PLB1: variants seen among roughly 807,000 people sequenced by gnomAD.
PLB1 encodes the protein phospholipase B1, also known as phospholipase B1, membrane-associated.
A neutral mutation model predicts 227.4 loss-of-function variants in PLB1; 242 were observed. That is an observed-to-expected ratio of 1.06 (90% CI 0.96 to 1.18). The LOEUF (loss-of-function observed/expected upper bound fraction) is 1.18. Ranked by LOEUF, PLB1 falls within the 50% of genes most tolerant of loss-of-function variation. The pLI, the probability that PLB1 is intolerant of heterozygous loss-of-function variation, is 0.00. For synonymous variants in PLB1, 757 were observed against 682.2 expected, an observed-to-expected ratio of 1.11 and a Z score of -1.71; for missense variants, 1,858 against 1,816.3, an observed-to-expected ratio of 1.02 and a Z score of -0.42.
intron 1 of PLB1, among the ~76,000 whole-genome samples, chr2:28,505,310 T>C (rs1667528999): frequency 6.6e-6 from 1 of 152,236 alleles, no homozygotes. Flanking sequence ...ATTAGACTTT[T>C]ATTTAAACTT....
intron 20 of PLB1, among the ~76,000 whole-genome samples, chr2:28,569,776 C>T (rs1677684093): frequency 6.6e-6 from 1 of 151,808 alleles, no homozygotes; most frequent in African/African-American, 2.4e-5. Context: ...ACCATCCTAG[C>T]TAACACGGTG....
rs139288359 is a variant in PLB1, at chr2:28,625,092, G to T, written c.3563G>T (p.Arg1188Leu). The T allele has an allele frequency of 3.1e-6, 5 of 1,613,376 alleles. No homozygotes were observed. Among genetic ancestry groups the T allele is most frequent in the Non-Finnish European group, 4.2e-6 (5 of 1,179,592 alleles). ...GCCCAGGCCTGGGACCTGGTAGAGC[G>T]AATGAAAAACAGCCCCGTGAGTACA... ...MPAQAWDLVE[R>L]MKNSPDINLE... is the part of the protein sequence containing the mutation. The change falls in exon 50 of 58, where the codon CGA (arginine) becomes CTA (leucine). Residue 1188 changes from arginine (R) to leucine (L), a missense_variant. Physicochemically the swap from Arg to Leu is moderately radical, Grantham distance 102. Transcript: ENST00000327757.
chr2:28,532,460 A>G (rs947014267), intron 9 of PLB1, among the ~76,000 whole-genome samples: 3 of 152,232 alleles, frequency 2.0e-5, no homozygotes, highest in African/African-American at 7.2e-5. Context: ...TAAAATACAC[A>G]TAAAGTTGAC....
intron 10 of PLB1, 147 bp from the exon 11 acceptor site, chr2:28,538,952 A>G (rs1208746557): frequency 1.5e-5 from 10 of 669,024 alleles, no homozygotes; most frequent in Non-Finnish European, 2.7e-5. Flanking sequence ...CTGACCAAAC[A>G]TCTCCCAAAG....
chr2:28,582,265 A>G, intron 24 of PLB1, 132 bp downstream of exon 24: 2 of 1,219,562 alleles, frequency 1.6e-6, no homozygotes, highest in South Asian at 1.3e-5. Flanking sequence ...ATAGAGGGGG[A>G]GCAGGGACGG....
chr2:28,619,452 G>A (rs921433560), intron 46 of PLB1, among the ~76,000 whole-genome samples: 2 of 152,070 alleles, frequency 1.3e-5, no homozygotes, highest in South Asian at 2.1e-4. Context: ...TCTTAAGGTA[G>A]GGGTAGATTA....
intron 1 of PLB1, among the ~76,000 whole-genome samples, chr2:28,504,729 G>A (rs1284102152): frequency 2.6e-5 from 4 of 152,048 alleles, no homozygotes; most frequent in Non-Finnish European, 4.4e-5. Context: ...GCAACAGAGC[G>A]AGACTCAGTC....
At chr2:28,528,476 C>T (rs2148190412) in intron 6 of PLB1, among the ~76,000 whole-genome samples, 1 of 152,304 alleles carries the variant, frequency 6.6e-6, no homozygotes, top group South Asian at 2.1e-4. Context: ...ACCCTGCTGT[C>T]ACTCTCAGGA....
intron 44 of PLB1, among the ~76,000 whole-genome samples, chr2:28,615,621 C>T (rs930789185): frequency 4.6e-5 from 7 of 152,232 alleles, no homozygotes; most frequent in Admixed American, 2.0e-4. Flanking sequence ...GGAGGCTTGT[C>T]CTCATTGAAC....
chr2:28,610,737 A>G (rs1158647244), intron 43 of PLB1, among the ~76,000 whole-genome samples: 2 of 152,210 alleles, frequency 1.3e-5, no homozygotes, highest in Non-Finnish European at 2.9e-5. Flanking sequence ...TAAAGCAGCC[A>G]GGATGTTGAT....
intron 1 of PLB1, among the ~76,000 whole-genome samples, chr2:28,500,771 G>GAAAAT (rs1172068297): frequency 6.6e-6 from 1 of 151,856 alleles, no homozygotes; most frequent in Admixed American, 6.6e-5. Flanking sequence ...GAAAAGAAAA[G>GAAAAT]AAATTCACTT....
At chr2:28,572,342 C>A (rs1405315286) in intron 20 of PLB1, among the ~76,000 whole-genome samples, 2 of 152,204 alleles carry the variant, frequency 1.3e-5, no homozygotes, top group African/African-American at 4.8e-5. Context: ...AAAGTCCTGG[C>A]AGTTCCTCAA....
At chr2:28,567,554 A>G (rs1313657247) in intron 20 of PLB1, among the ~76,000 whole-genome samples, 5 of 134,694 alleles carry the variant, frequency 3.7e-5, no homozygotes, top group Non-Finnish European at 7.6e-5. Context: ...GCTCATTGCA[A>G]CCTCCGCCTC....
intron 49 of PLB1, among the ~76,000 whole-genome samples, chr2:28,621,603 T>C (rs757287556): frequency 2.6e-5 from 4 of 152,196 alleles, no homozygotes; most frequent in Non-Finnish European, 4.4e-5. Context: ...ATTTTCTGCA[T>C]GGAGCGTGCT....
intron 1 of PLB1, among the ~76,000 whole-genome samples, chr2:28,499,688 C>T (rs1232582659): frequency 6.6e-6 from 1 of 152,100 alleles, no homozygotes; most frequent in Non-Finnish European, 1.5e-5. Flanking sequence ...GAGTTTGAGA[C>T]CAGCCTCACC....
At chr2:28,549,783 C>T (rs1478344348) in intron 15 of PLB1, among the ~76,000 whole-genome samples, 1 of 152,082 alleles carries the variant, frequency 6.6e-6, no homozygotes, top group Non-Finnish European at 1.5e-5. Context: ...AGCATGAACC[C>T]CCAGGGTAAA....
At chr2:28,547,321 G>C (rs1673449179) in intron 14 of PLB1, among the ~76,000 whole-genome samples, 1 of 152,126 alleles carries the variant, frequency 6.6e-6, no homozygotes, top group Non-Finnish European at 1.5e-5. Context: ...GAATGTTCCA[G>C]GTGGGACCTT....
At chr2:28,614,973 G>A (rs1336228287) in intron 44 of PLB1, among the ~76,000 whole-genome samples, 1 of 152,134 alleles carries the variant, frequency 6.6e-6, no homozygotes, top group African/African-American at 2.4e-5. Flanking sequence ...GGCTAGGCAT[G>A]GTCATTTCAG....
rs1255084958 is a variant in PLB1 at position 28,620,254 on chromosome 2, G to C, written c.3316-11G>C. 6.3e-7 allele frequency: 1 copy of C among 1,582,246 alleles called. No homozygotes were observed. The highest frequency in any genetic ancestry group is 8.6e-7 in the Non-Finnish European group (1 of 1,161,210). ...TACCCCAGCCCTGAACTTTCTTTTTGCTTTTTACAGACAGCAGTGGGAGCT... is the reference window on the plus strand; with the variant it reads ...TACCCCAGCCCTGAACTTTCTTTTTCCTTTTTACAGACAGCAGTGGGAGCT... On this transcript the variant is annotated splice_polypyrimidine_tract_variant and intron_variant, in intron 46 of 57. Coordinates refer to ENST00000327757, the MANE Select transcript of PLB1 (RefSeq NM_153021.5).
Sources: allele counts gnomAD v4.1 joint callset (sites outside exome capture counted in the v4.1 genomes callset), GRCh38; gene constraint gnomAD v4.1.1; transcripts MANE v1.5; gene names NCBI Gene and HGNC (gene_info 2026-07-23, HGNC 2026-07-21).